The following PCDHGA1 variants were observed in gnomAD, a reference collection of about 807,000 sequenced individuals.
The protein encoded by PCDHGA1 is protocadherin gamma-A1.
In PCDHGA1, 32 loss-of-function variants were observed where a neutral mutation model predicts 58.0. The observed-to-expected ratio is 0.55, with a 90% CI of 0.42 to 0.74. The LOEUF (loss-of-function observed/expected upper bound fraction) is 0.74. PCDHGA1 is among the 30% of genes least tolerant of loss of function. The pLI is 0.00. For missense variants in PCDHGA1, 1,205 were observed against 1,182.3 expected (o/e 1.02, Z -0.28); for synonymous variants, 498 against 501.1 (o/e 0.99, Z 0.08).
At chr5:141,507,450 CAGAG>C (rs940460926) in intron 3 of PCDHGA1, among the ~76,000 whole-genome samples, 1 of 152,170 alleles carries the variant, frequency 6.6e-6, no homozygotes, top group African/African-American at 2.4e-5. Flanking sequence ...GACGGAAGGA[CAGAG>C]AGAGAGGTGG....
chr5:141,409,180 T>C (rs2095236494), intron 1 of PCDHGA1: 1 of 1,613,848 alleles, frequency 6.2e-7, no homozygotes, highest in Non-Finnish European at 8.5e-7. Flanking sequence ...ACGGAGGTGG[T>C]CTCTCTACCC....
chr5:141,411,192 G>C (rs2095472836), intron 1 of PCDHGA1: 1 of 152,098 alleles, frequency 6.6e-6, no homozygotes, highest in African/African-American at 2.4e-5. Flanking sequence ...TGGCATCTAA[G>C]AAAACAAACA....
At chr5:141,425,484 TA>T (rs929097245) in intron 1 of PCDHGA1, among the ~76,000 whole-genome samples, 1 of 152,258 alleles carries the variant, frequency 6.6e-6, no homozygotes, top group African/African-American at 2.4e-5. Context: ...TATGGCAACC[TA>T]CTAGGCTATA....
intron 1 of PCDHGA1, chr5:141,421,800 G>A: frequency 6.2e-7 from 1 of 1,613,846 alleles, no homozygotes; most frequent in Non-Finnish European, 8.5e-7. Context: ...ATGGGGCCAA[G>A]AATCCAGAGC....
At chr5:141,384,897 C>T in intron 1 of PCDHGA1, 4 of 1,613,922 alleles carry the variant, frequency 2.5e-6, no homozygotes, top group Non-Finnish European at 3.4e-6. Context: ...CTGTGGCTGA[C>T]AGCATCCCCG....
chr5:141,498,994 AAGG>A (rs1310594976), intron 2 of PCDHGA1, among the ~76,000 whole-genome samples: 4 of 148,560 alleles, frequency 2.7e-5, no homozygotes, highest in Non-Finnish European at 4.5e-5. Flanking sequence ...GGAAGGAAGG[AAGG>A]AAGGAAGGAA....
Position 141,477,779 on chromosome 5 carries a change from A to G in PCDHGA1, c.2422-17028A>G, listed in dbSNP as rs781567883. ...CCTAGCCACCAACATCAGCGTGAAC[A>G]TATTTGTCACTGATCGCAATGACAA... On this transcript the variant is annotated intron_variant, in intron 1 of 3. Coordinates refer to ENST00000517417, the MANE Select transcript of PCDHGA1 (RefSeq NM_018912.3). This position sits in a 1 kb window ranked among gnomAD's most constrained non-coding sequence, Gnocchi z 4.9. 5.6e-6 allele frequency: 9 copies of G among 1,613,894 alleles called. No homozygotes were observed. Among genetic ancestry groups the G allele is most frequent in the South Asian group, 5.5e-5 (5 of 91,084 alleles).
chr5:141,421,578 T>G, intron 1 of PCDHGA1: 1 of 1,613,886 alleles, frequency 6.2e-7, no homozygotes, highest in Non-Finnish European at 8.5e-7. Flanking sequence ...CCTTGAAGAT[T>G]TACGGAGTGG....
At chr5:141,340,762 C>A in intron 1 of PCDHGA1, 1 of 1,613,988 alleles carries the variant, frequency 6.2e-7, no homozygotes, top group South Asian at 1.1e-5. Flanking sequence ...TGGACAGAGA[C>A]TCGGGCCAGA....
intron 1 of PCDHGA1, among the ~76,000 whole-genome samples, chr5:141,359,234 T>C (rs1489655323): frequency 6.6e-6 from 1 of 152,044 alleles, no homozygotes; most frequent in Non-Finnish European, 1.5e-5. Flanking sequence ...GGAGAGATTG[T>C]TTAAAGTAAT....
chr5:141,409,508 A>G, intron 1 of PCDHGA1: 2 of 1,614,022 alleles, frequency 1.2e-6, no homozygotes, highest in Non-Finnish European at 1.7e-6. Context: ...TTCTTCCAGT[A>G]GAAGCATCAC....
Position 141,491,547 on chromosome 5 carries a change from G to C in PCDHGA1, c.2422-3260G>C. On this transcript the variant is annotated intron_variant, in intron 1 of 3. Coordinates refer to ENST00000517417, the MANE Select transcript of PCDHGA1 (RefSeq NM_018912.3). This position sits in a 1 kb window ranked among gnomAD's most constrained non-coding sequence, Gnocchi z 6.9. Reference sequence around the variant, plus strand: ...AGGTGACGCTGCGGCCCACAGACTCGCAGAGCCACTGCTACAGGACGTGCT... The same window carrying C: ...AGGTGACGCTGCGGCCCACAGACTCCCAGAGCCACTGCTACAGGACGTGCT... 6.2e-7 allele frequency: 1 copy of C among 1,613,974 alleles called. No individual in the cohort carries two copies. The highest frequency in any genetic ancestry group is 8.5e-7 in the Non-Finnish European group (1 of 1,180,022).
rs1255512461 is a variant in PCDHGA1 at position 141,395,116 on chromosome 5, T to A, written c.2421+62011T>A. 1.2e-6 allele frequency: 2 copies of A among 1,614,098 alleles called. No homozygotes were observed. Among genetic ancestry groups the A allele is most frequent in the African/African-American group, 1.3e-5 (1 of 74,932 alleles). Reference sequence around the variant, plus strand: ...ACCGCCGACTCGCGGAAGAGTCACCTGATCTTTCCCCAGCCCAACTACGCA... The same window carrying A: ...ACCGCCGACTCGCGGAAGAGTCACCAGATCTTTCCCCAGCCCAACTACGCA... On this transcript the variant is annotated intron_variant, in intron 1 of 3. Coordinates refer to ENST00000517417, the MANE Select transcript of PCDHGA1 (RefSeq NM_018912.3).
chr5:141,349,959 CAG>C (rs770513949), intron 1 of PCDHGA1: 10 of 252,082 alleles, frequency 4.0e-5, no homozygotes, highest in East Asian at 3.0e-4. Flanking sequence ...AAATTAAAGA[CAG>C]GGTACATAGA....
intron 1 of PCDHGA1, chr5:141,346,441 A>G (rs752229243): frequency 5.6e-6 from 9 of 1,614,258 alleles, no homozygotes; most frequent in East Asian, 2.2e-5. Context: ...ATGAAAGGAG[A>G]TTCCAACCTA....
intron 1 of PCDHGA1, chr5:141,371,345 T>A: frequency 6.2e-7 from 1 of 1,613,878 alleles, no homozygotes; most frequent in Non-Finnish European, 8.5e-7. Context: ...GCTACACAAT[T>A]GGGGTGGAAG....
intron 1 of PCDHGA1, chr5:141,374,176 C>A: frequency 6.2e-7 from 1 of 1,613,572 alleles, no homozygotes. Context: ...CAGCGCAGAT[C>A]CGCTACTCTA....
chr5:141,477,253 G>A lies in PCDHGA1; in HGVS notation c.2422-17554G>A, dbSNP rs1303718568. The A allele has an allele frequency of 1.9e-6, 3 of 1,614,154 alleles. No individual in the cohort carries two copies. The highest frequency in any genetic ancestry group is 2.2e-5 in the South Asian group (2 of 91,070). Reference sequence around the variant, plus strand: ...TCGCTTTGCTCAGTGTGACTGACCTGGATGCTGGCGAGAACGGGCTGGTGA... The same window carrying A: ...TCGCTTTGCTCAGTGTGACTGACCTAGATGCTGGCGAGAACGGGCTGGTGA... On this transcript the variant is annotated intron_variant, in intron 1 of 3. Transcript: ENST00000517417. This position sits in a 1 kb window ranked among gnomAD's most constrained non-coding sequence, Gnocchi z 4.9.
chr5:141,483,501 G>A (rs1022338958), intron 1 of PCDHGA1, among the ~76,000 whole-genome samples: 2 of 150,394 alleles, frequency 1.3e-5, no homozygotes, highest in Admixed American at 1.3e-4. Context: ...ATGAGTCAAG[G>A]CTGATCCCCC....
Sources: allele counts gnomAD v4.1 joint callset (sites outside exome capture counted in the v4.1 genomes callset), GRCh38; gene constraint gnomAD v4.1.1; non-coding constraint Gnocchi (gnomAD v3.1); transcripts MANE v1.5; gene names NCBI Gene and HGNC (gene_info 2026-07-23, HGNC 2026-07-21).